The following RAB27B variants were observed in gnomAD, a reference collection of about 807,000 sequenced individuals.
RAB27B encodes the protein RAB27B, member RAS oncogene family.
A neutral mutation model predicts 24.6 loss-of-function variants in RAB27B; 15 were observed. The ratio of observed to expected loss-of-function variants is 0.61; its 90% confidence interval spans 0.41 to 0.94. The LOEUF (loss-of-function observed/expected upper bound fraction) is 0.94, where lower values mean the gene tolerates loss of function less well. RAB27B is among the 40% of genes least tolerant of loss of function. The probability of loss-of-function intolerance (pLI) is 0.00; values close to 1 mark genes in which losing one functional copy is unlikely to be tolerated. For missense variants in RAB27B, 261 were observed against 266.8 expected, an observed-to-expected ratio of 0.98 and a Z score of 0.15; for synonymous variants, 105 against 92.5, an observed-to-expected ratio of 1.14 and a Z score of -0.78.
At chr18:54,804,904 C>CTCTT (rs777177556) in intron 2 of RAB27B, among the ~76,000 whole-genome samples, 1,513 of 47,904 alleles carry the variant, frequency 0.032, 27 homozygotes, top group Middle Eastern at 0.037. Context: ...CTTTCTCTCT[C>CTCTT]TCTTTCTTTC....
intron 2 of RAB27B, among the ~76,000 whole-genome samples, chr18:54,814,526 T>A (rs985874798): frequency 2.9e-4 from 44 of 152,180 alleles, no homozygotes; most frequent in African/African-American, 1.0e-3. Context: ...TGTATCTGAG[T>A]AAGTCAATAC....
In RAB27B at chr18:54,783,012, C is replaced by G. The variant is rs145008420; in HGVS notation, c.-20+64871C>G. Among the ~76,000 whole-genome samples the G allele has an allele frequency of 2.9e-3, 435 of 152,024 alleles. 6 individuals are homozygous for G. Among genetic ancestry groups the G allele is most frequent in the South Asian group, 0.028 (134 of 4,802 alleles). On this transcript the variant is annotated intron_variant, in intron 2 of 4. Coordinates refer to the RAB27B transcript ENST00000586570. Reference sequence around the variant, plus strand: ...TCACTCTGTCACCCAGGCTGGAGTGCAGTGGTGTGATCTCAGCTCACCACA... The same window carrying G: ...TCACTCTGTCACCCAGGCTGGAGTGGAGTGGTGTGATCTCAGCTCACCACA...
intron 1 of RAB27B, among the ~76,000 whole-genome samples, chr18:54,842,664 C>T (rs2145203395): frequency 6.6e-6 from 1 of 152,264 alleles, no homozygotes; most frequent in East Asian, 1.9e-4. Flanking sequence ...GCTGTTATGT[C>T]TTATCTATCT....
rs373747044 is a variant in RAB27B at position 54,889,856 on chromosome 18, TG to T, written c.*447del. ...CAGATGCATACTTTTAGATTTGCAT[TG>T]GGGAAAATGTACTAGCTAAAAATGG... On this transcript the variant is annotated 3_prime_UTR_variant, in exon 6 of 6. Transcript: ENST00000262094. 1.3e-5 allele frequency: 2 copies of T among 153,500 alleles called. No individual in the cohort carries two copies. Among genetic ancestry groups the T allele is most frequent in the African/African-American group, 4.8e-5 (2 of 41,576 alleles). 9.5% of individuals were successfully genotyped at this position (153,500 alleles called of 1,614,324 possible).
At chr18:54,744,315 G>C (rs1432690858) in intron 2 of RAB27B, among the ~76,000 whole-genome samples, 1 of 152,122 alleles carries the variant, frequency 6.6e-6, no homozygotes, top group Non-Finnish European at 1.5e-5. Context: ...TCTTCTAAGA[G>C]AAGATAAAAA....
chr18:54,889,550 G>C lies in RAB27B; in HGVS notation c.*137G>C. 1 of 832,914 alleles carries C rather than the reference G, an allele frequency of 1.2e-6. No homozygotes were observed. 51.6% of individuals were successfully genotyped at this position (832,914 alleles called of 1,614,324 possible). On this transcript the variant is annotated 3_prime_UTR_variant, in exon 6 of 6. Coordinates refer to ENST00000262094, the MANE Select transcript of RAB27B (RefSeq NM_004163.4). ...TTTTCTGCCAGAAAATCTATTTTAAGAAACCAGAATAGTCAACAGTGTTCA... is the reference window on the plus strand; with the variant it reads ...TTTTCTGCCAGAAAATCTATTTTAACAAACCAGAATAGTCAACAGTGTTCA...
intron 2 of RAB27B, among the ~76,000 whole-genome samples, chr18:54,790,788 T>C (rs1289323966): frequency 7.9e-5 from 12 of 152,216 alleles, no homozygotes; most frequent in Admixed American, 4.6e-4. Context: ...TGGAAAATTA[T>C]GACTTGTTAA....
rs1913281605 is a variant in RAB27B at position 54,889,469 on chromosome 18, A to G, written c.*56A>G. On this transcript the variant is annotated 3_prime_UTR_variant, in exon 6 of 6. Transcript: ENST00000262094. The stretch of plus-strand genomic sequence containing the variant: ...CCACCAAAATATTACTTTTAAAAAC[A>G]ATGACAAACCACACAATTGTTGTTG... 2.7e-6 allele frequency: 4 copies of G among 1,466,464 alleles called. No homozygotes were observed. Among genetic ancestry groups the G allele is most frequent in the Non-Finnish European group, 3.7e-6 (4 of 1,089,942 alleles). 90.8% of individuals were successfully genotyped at this position (1,466,464 alleles called of 1,614,324 possible).
At chr18:54,721,903 G>A (rs370826403) in intron 2 of RAB27B, among the ~76,000 whole-genome samples, 18 of 152,218 alleles carry the variant, frequency 1.2e-4, no homozygotes, top group African/African-American at 4.1e-4. Flanking sequence ...TGAGAGGCAC[G>A]GTGCTACAAC....
chr18:54,750,602 G>A (rs1568051936), intron 2 of RAB27B, among the ~76,000 whole-genome samples: 1 of 152,172 alleles, frequency 6.6e-6, no homozygotes, highest in Non-Finnish European at 1.5e-5. Flanking sequence ...AGTAAGTACT[G>A]TGGAAGCATC....
chr18:54,865,027 G>A (rs932442004), intron 1 of RAB27B, among the ~76,000 whole-genome samples: 22 of 152,004 alleles, frequency 1.4e-4, no homozygotes, highest in African/African-American at 5.3e-4. Flanking sequence ...AGTGTTTAGT[G>A]CTTAGACTAA....
At chr18:54,820,251 T>A (rs1166451885) in intron 2 of RAB27B, among the ~76,000 whole-genome samples, 1 of 152,172 alleles carries the variant, frequency 6.6e-6, no homozygotes, top group Non-Finnish European at 1.5e-5. Context: ...GTAAAAGTGT[T>A]CCTGTTTCTC....
At chr18:54,823,811 C>T (rs1005065771), upstream of RAB27B, among the ~76,000 whole-genome samples, 1 of 152,024 alleles carries the variant, frequency 6.6e-6, no homozygotes, top group South Asian at 2.1e-4. Context: ...TCTTTTGTTT[C>T]CTTATGTGTA....
At chr18:54,804,568 C>A (rs1265976322) in intron 2 of RAB27B, among the ~76,000 whole-genome samples, 1 of 152,160 alleles carries the variant, frequency 6.6e-6, no homozygotes, top group South Asian at 2.1e-4. Context: ...AGTGTGAAAA[C>A]AGACTAATTC....
At chr18:54,885,646 C>T (rs1913104138) in intron 4 of RAB27B, among the ~76,000 whole-genome samples, 1 of 152,174 alleles carries the variant, frequency 6.6e-6, no homozygotes, top group Non-Finnish European at 1.5e-5. Context: ...CCCCTCAACA[C>T]ACTTTATAGG....
intron 2 of RAB27B, among the ~76,000 whole-genome samples, chr18:54,803,162 T>C (rs929563807): frequency 6.6e-6 from 1 of 152,190 alleles, no homozygotes; most frequent in African/African-American, 2.4e-5. Context: ...ATAGTGATGA[T>C]GTTTATGATG....
upstream of RAB27B, among the ~76,000 whole-genome samples, chr18:54,824,299 A>G (rs1910403210): frequency 6.6e-6 from 1 of 152,170 alleles, no homozygotes; most frequent in South Asian, 2.1e-4. Flanking sequence ...TTAGTTCAGC[A>G]CACTCCGTAC....
In RAB27B at chr18:54,840,615, A is replaced by T. The variant is rs1477903658; in HGVS notation, c.-20+11915A>T. Among the ~76,000 whole-genome samples, 3 of 11,092 alleles carry T rather than the reference A, an allele frequency of 2.7e-4. No homozygotes were observed. In the Non-Finnish European group the frequency reaches 0.026, roughly 96 times the overall value. The allele number at this position is 11,092 out of a possible 152,430, so 7.3% of individuals were successfully genotyped here. On this transcript the variant is annotated intron_variant, in intron 1 of 5. Transcript: ENST00000262094. The stretch of plus-strand genomic sequence containing the variant: ...CCATTACACTGGCAGATTCAGGGTT[A>T]AATAAATAAATATTTAACAAGTTAA...
At chr18:54,847,755 TGGA>T (rs1228510221) in intron 1 of RAB27B, among the ~76,000 whole-genome samples, 79 of 152,322 alleles carry the variant, frequency 5.2e-4, no homozygotes, top group East Asian at 1.9e-4. Context: ...ACATATTTTA[TGGA>T]TTGGCTGTTG....
Sources: allele counts gnomAD v4.1 joint callset (sites outside exome capture counted in the v4.1 genomes callset), GRCh38; gene constraint gnomAD v4.1.1; transcripts MANE v1.5; gene names NCBI Gene and HGNC (gene_info 2026-07-23, HGNC 2026-07-21).